Variants in ZFAT observed in about 807,000 individuals in gnomAD.
ZFAT encodes the protein zinc finger and AT-hook domain containing, also known as zinc finger protein ZFAT.
ZFAT carries 64 observed loss-of-function variants against 117.7 expected under a neutral mutation model. The observed-to-expected ratio is 0.54, with a 90% CI of 0.44 to 0.67. The LOEUF (loss-of-function observed/expected upper bound fraction) is 0.67, where lower values mean the gene tolerates loss of function less well. Among genes scored for constraint, ZFAT ranks in the 30% least tolerant of loss-of-function variants. ZFAT has a pLI of 0.00. For synonymous variants in ZFAT, 679 were observed against 615.0 expected (o/e 1.10, Z -1.54); for missense variants, 1,433 against 1,584.5 (o/e 0.90, Z 1.62).
chr8:134,741,575 A>T, the ZFAT span, among the ~76,000 whole-genome samples: 2 of 152,042 alleles, frequency 1.3e-5, no homozygotes, highest in Non-Finnish European at 2.9e-5. Context: ...GCTTCCCAGG[A>T]CTTTTTCCCA....
At chr8:134,495,645 C>T (rs1400178896) in intron 15 of ZFAT, among the ~76,000 whole-genome samples, 1 of 152,170 alleles carries the variant, frequency 6.6e-6, no homozygotes, top group Admixed American at 6.5e-5. Flanking sequence ...AGAGGTGGTA[C>T]CTGGCACAGT....
chr8:134,588,120 T>C, intron 9 of ZFAT, 126 bp downstream of exon 9: 5 of 1,156,596 alleles, frequency 4.3e-6, no homozygotes, highest in Non-Finnish European at 6.0e-6. Context: ...GACACATCTC[T>C]CAGTGTGCTA....
chr8:134,509,825 C>G (rs745654965), intron 14 of ZFAT, 76 bp from the exon 15 acceptor site: 1 of 1,519,444 alleles, frequency 6.6e-7, no homozygotes, highest in Non-Finnish European at 8.8e-7. Context: ...ACCAGCCTGT[C>G]TGTTCTCTCG....
At chr8:134,825,382 G>A in the ZFAT span, among the ~76,000 whole-genome samples, 1 of 152,126 alleles carries the variant, frequency 6.6e-6, no homozygotes, top group Non-Finnish European at 1.5e-5. Flanking sequence ...ACTAACATTT[G>A]TGGGGAACAC....
chr8:134,817,438 A>ACAC, the ZFAT span, among the ~76,000 whole-genome samples: 1 of 92,810 alleles, frequency 1.1e-5, no homozygotes, highest in African/African-American at 4.0e-5. Context: ...CACACACACA[A>ACAC]CGCACCCTTA....
chr8:134,659,122 T>C (rs1409327016), intron 1 of ZFAT, among the ~76,000 whole-genome samples: 1 of 152,236 alleles, frequency 6.6e-6, no homozygotes, highest in Non-Finnish European at 1.5e-5. Flanking sequence ...CTGGTGATGC[T>C]GGACAAATAC....
the ZFAT span, among the ~76,000 whole-genome samples, chr8:134,747,861 C>A: frequency 6.6e-6 from 1 of 152,170 alleles, no homozygotes; most frequent in African/African-American, 2.4e-5. Flanking sequence ...TCTGAAGCAT[C>A]TCTGGTCTCT....
chr8:134,828,685 T>C, the ZFAT span, among the ~76,000 whole-genome samples: 5 of 152,352 alleles, frequency 3.3e-5, no homozygotes, highest in South Asian at 4.1e-4. Flanking sequence ...TCCTTTTTTT[T>C]CTACATAAGC....
intron 1 of ZFAT, chr8:134,696,633 C>G (rs1833856807): frequency 1.0e-6 from 1 of 985,426 alleles, no homozygotes; most frequent in Non-Finnish European, 1.2e-6. Context: ...CAGCCACAGC[C>G]CTGCCCAGGT....
the ZFAT span, among the ~76,000 whole-genome samples, chr8:134,819,503 C>T: frequency 4.3e-5 from 4 of 92,848 alleles, no homozygotes; most frequent in Non-Finnish European, 6.4e-5. Flanking sequence ...ACCACCCCCC[C>T]CCCCCGCCCC....
At chr8:134,534,678 GGAGA>G (rs1821691084) in intron 11 of ZFAT, among the ~76,000 whole-genome samples, 1 of 146,326 alleles carries the variant, frequency 6.8e-6, no homozygotes, top group Admixed American at 6.9e-5. Flanking sequence ...AGAGAGAGGA[GGAGA>G]GAGAGGGGAG....
At chr8:134,790,579 A>G in the ZFAT span, among the ~76,000 whole-genome samples, 1 of 152,190 alleles carries the variant, frequency 6.6e-6, no homozygotes, top group Non-Finnish European at 1.5e-5. Context: ...TATACTACAC[A>G]TTCTGTTAGT....
intron 15 of ZFAT, among the ~76,000 whole-genome samples, chr8:134,490,838 C>G (rs1241192440): frequency 6.6e-6 from 1 of 152,152 alleles, no homozygotes; most frequent in Non-Finnish European, 1.5e-5. Context: ...TACCCTCTCA[C>G]ATCCCTCCCT....
chr8:134,730,639 G>A, the ZFAT span, among the ~76,000 whole-genome samples: 5 of 152,098 alleles, frequency 3.3e-5, no homozygotes, highest in Non-Finnish European at 5.9e-5. Context: ...AGATGTGTGC[G>A]GACATCTCTT....
chr8:134,746,887 C>T, the ZFAT span, among the ~76,000 whole-genome samples: 570 of 152,246 alleles, frequency 3.7e-3, no homozygotes, highest in Non-Finnish European at 6.5e-3. Context: ...AATATGTCTG[C>T]GACATTCCCT....
At chr8:134,806,170 A>T in the ZFAT span, among the ~76,000 whole-genome samples, 1 of 152,244 alleles carries the variant, frequency 6.6e-6, no homozygotes, top group South Asian at 2.1e-4. Context: ...AAGAAAACCA[A>T]TATACAAATT....
intron 11 of ZFAT, among the ~76,000 whole-genome samples, chr8:134,545,129 T>C (rs1482134274): frequency 6.6e-6 from 1 of 152,230 alleles, no homozygotes; most frequent in Non-Finnish European, 1.5e-5. Context: ...CAATGGTATA[T>C]GTACTGCAAA....
At chr8:134,636,890 C>G (rs1408733392) in intron 3 of ZFAT, among the ~76,000 whole-genome samples, 1 of 152,186 alleles carries the variant, frequency 6.6e-6, no homozygotes, top group Non-Finnish European at 1.5e-5. Flanking sequence ...AAGGAGGCAC[C>G]CGATAGTCTT....
chr8:134,560,092 A>G (rs893287318), intron 11 of ZFAT, among the ~76,000 whole-genome samples: 3 of 152,232 alleles, frequency 2.0e-5, no homozygotes, highest in African/African-American at 4.8e-5. Flanking sequence ...CATTCAATCA[A>G]TCTACCAAAC....
Sources: gnomAD v4.1 joint callset for allele counts (sites outside exome capture counted in the v4.1 genomes callset) on GRCh38, gnomAD v4.1.1 for gene constraint, MANE v1.5 for transcripts, NCBI Gene and HGNC (gene_info 2026-07-23, HGNC 2026-07-21) for gene names.